Variants in SRD5A2 observed in about 807,000 individuals in gnomAD.
SRD5A2 encodes steroid 5 alpha-reductase 2.
In SRD5A2, 30 loss-of-function variants were observed where a neutral mutation model predicts 27.4. The observed-to-expected ratio is 1.10, with a 90% CI of 0.82 to 1.49. SRD5A2 has a LOEUF of 1.49. Among genes scored for constraint, SRD5A2 ranks in the 40% most tolerant of loss-of-function variants. SRD5A2 has a pLI of 0.00. For missense variants in SRD5A2, 348 were observed against 323.4 expected, an observed-to-expected ratio of 1.08 and a Z score of -0.58; for synonymous variants, 141 against 133.6, an observed-to-expected ratio of 1.06 and a Z score of -0.38.
chr2:31,626,511 A>G, the SRD5A2 span, among the ~76,000 whole-genome samples: 1 of 152,056 alleles, frequency 6.6e-6, no homozygotes, highest in Non-Finnish European at 1.5e-5. Context: ...AATATCTCTT[A>G]TTATTTTGAG....
intron 1 of SRD5A2, among the ~76,000 whole-genome samples, chr2:31,572,582 C>G (rs1666874240): frequency 6.6e-6 from 1 of 152,132 alleles, no homozygotes; most frequent in Non-Finnish European, 1.5e-5. Context: ...ACTTTTAAAA[C>G]TCAATAATAA....
the SRD5A2 span, among the ~76,000 whole-genome samples, chr2:31,662,719 C>T: frequency 6.6e-6 from 1 of 152,026 alleles, no homozygotes; most frequent in Admixed American, 6.6e-5. Context: ...GTGGGAAGGC[C>T]GAGGTGTTCA....
intron 1 of SRD5A2, among the ~76,000 whole-genome samples, chr2:31,550,911 G>C (rs1486848219): frequency 1.3e-5 from 2 of 151,788 alleles, no homozygotes. Context: ...TTATAGATTA[G>C]AAAAGGAGAA....
At chr2:31,604,276 G>A in the SRD5A2 span, among the ~76,000 whole-genome samples, 6 of 151,694 alleles carry the variant, frequency 4.0e-5, no homozygotes, top group Non-Finnish European at 8.8e-5. Context: ...GGAATTTCTA[G>A]CTAGAACAAT....
At chr2:31,612,190 A>G in the SRD5A2 span, among the ~76,000 whole-genome samples, 5 of 152,018 alleles carry the variant, frequency 3.3e-5, no homozygotes, top group African/African-American at 7.2e-5. Flanking sequence ...TTGAGGCATG[A>G]GAATCACTTG....
the SRD5A2 span, among the ~76,000 whole-genome samples, chr2:31,654,410 G>C: frequency 6.6e-6 from 1 of 152,172 alleles, no homozygotes; most frequent in Admixed American, 6.5e-5. Context: ...AAAGCACCCA[G>C]GGCTGAATTT....
the SRD5A2 span, among the ~76,000 whole-genome samples, chr2:31,588,940 A>C: frequency 6.6e-6 from 1 of 152,150 alleles, no homozygotes; most frequent in Non-Finnish European, 1.5e-5. Context: ...CTTTTGCTGC[A>C]AGAACTACCA....
At chr2:31,630,814 C>G in the SRD5A2 span, among the ~76,000 whole-genome samples, 1 of 152,112 alleles carries the variant, frequency 6.6e-6, no homozygotes. Flanking sequence ...AGCAGATTTC[C>G]TAACAGGGGA....
upstream of SRD5A2, among the ~76,000 whole-genome samples, chr2:31,582,556 C>T (rs1158973664): frequency 6.6e-6 from 1 of 152,216 alleles, no homozygotes; most frequent in African/African-American, 2.4e-5. Flanking sequence ...TTTTTTTGCA[C>T]TGGCTTTAGA....
chr2:31,632,492 C>G, the SRD5A2 span, among the ~76,000 whole-genome samples: 1 of 152,176 alleles, frequency 6.6e-6, no homozygotes, highest in South Asian at 2.1e-4. Context: ...CCAGATGATT[C>G]AGCAGCAGGA....
chr2:31,625,682 G>A, the SRD5A2 span, among the ~76,000 whole-genome samples: 1 of 152,042 alleles, frequency 6.6e-6, no homozygotes, highest in Non-Finnish European at 1.5e-5. Flanking sequence ...GATGTGTGGT[G>A]TTATTTCTGA....
chr2:31,532,602 C>A (rs1428475798), intron 2 of SRD5A2, among the ~76,000 whole-genome samples: 2 of 152,092 alleles, frequency 1.3e-5, no homozygotes, highest in Non-Finnish European at 2.9e-5. Flanking sequence ...CTCACCGTCC[C>A]ACAAAGAGGC....
chr2:31,530,042 G>A (rs1453801630), intron 3 of SRD5A2, among the ~76,000 whole-genome samples: 1 of 152,020 alleles, frequency 6.6e-6, no homozygotes, highest in East Asian at 1.9e-4. Flanking sequence ...TGGTGAAGTC[G>A]GCTTCTAGAT....
At chr2:31,615,486 T>C in the SRD5A2 span, among the ~76,000 whole-genome samples, 1 of 152,168 alleles carries the variant, frequency 6.6e-6, no homozygotes, top group South Asian at 2.1e-4. Flanking sequence ...GCCCTGGAGA[T>C]CTGTGGAACT....
chr2:31,551,371 A>G (rs139130718), intron 1 of SRD5A2, among the ~76,000 whole-genome samples: 2 of 152,262 alleles, frequency 1.3e-5, no homozygotes, highest in East Asian at 3.9e-4. Context: ...TCAACTTACA[A>G]TGAGATTACT....
the SRD5A2 span, among the ~76,000 whole-genome samples, chr2:31,637,645 T>C: frequency 6.6e-6 from 1 of 152,092 alleles, no homozygotes; most frequent in African/African-American, 2.4e-5. Context: ...AATCTGTTTA[T>C]GAAGCAGCCA....
the SRD5A2 span, among the ~76,000 whole-genome samples, chr2:31,625,142 G>T: frequency 6.6e-6 from 1 of 152,166 alleles, no homozygotes; most frequent in Non-Finnish European, 1.5e-5. Flanking sequence ...ATGTCTGTTG[G>T]CTGTACAAAT....
intron 1 of SRD5A2, among the ~76,000 whole-genome samples, chr2:31,558,938 T>A (rs577055332): frequency 6.6e-6 from 1 of 152,286 alleles, no homozygotes; most frequent in Admixed American, 6.5e-5. Flanking sequence ...ATGCATGACA[T>A]CGCAAAGACC....
chr2:31,625,681 T>C, the SRD5A2 span, among the ~76,000 whole-genome samples: 1 of 152,100 alleles, frequency 6.6e-6, no homozygotes, highest in Non-Finnish European at 1.5e-5. Flanking sequence ...AGATGTGTGG[T>C]GTTATTTCTG....
Sources: gnomAD v4.1 joint callset for allele counts (sites outside exome capture counted in the v4.1 genomes callset) on GRCh38, gnomAD v4.1.1 for gene constraint, MANE v1.5 for transcripts, NCBI Gene and HGNC (gene_info 2026-07-23, HGNC 2026-07-21) for gene names.